DLG2: variants seen among roughly 807,000 people sequenced by gnomAD.
DLG2 encodes the protein disks large homolog 2.
In DLG2, 45 loss-of-function variants were observed where a neutral mutation model predicts 132.5. The observed-to-expected ratio is 0.34, with a 90% CI of 0.27 to 0.44. The LOEUF (loss-of-function observed/expected upper bound fraction) is 0.44. Ranked by LOEUF, DLG2 falls within the 20% of genes least tolerant of loss-of-function variation. The pLI, the probability that DLG2 is intolerant of heterozygous loss-of-function variation, is 1.00. For missense variants in DLG2, 1,045 were observed against 1,196.9 expected (o/e 0.87, Z 1.87); for synonymous variants, 424 against 419.6 (o/e 1.01, Z -0.13).
Position 84,577,135 on chromosome 11 carries a change from C to A in DLG2, c.358-42404G>T, listed in dbSNP as rs536080137. Among the ~76,000 whole-genome samples the A allele has an allele frequency of 2.0e-5, 3 of 152,274 alleles. No individual in the cohort carries two copies. In the South Asian group the frequency reaches 6.2e-4, roughly 32 times the overall value. On this transcript the variant is annotated intron_variant, in intron 6 of 27. Transcript: ENST00000376104. ...CATGTAAGAAATGCCTTTTGCCTCC[C>A]GCCATGATTCTGAGGACTTCCCAGC...
intron 11 of DLG2, among the ~76,000 whole-genome samples, chr11:84,041,209 T>C (rs978198000): frequency 6.6e-6 from 1 of 152,014 alleles, no homozygotes; most frequent in African/African-American, 2.4e-5. Flanking sequence ...TCTTTTGTCA[T>C]TTAGATTTTT....
chr11:85,269,622 G>A (rs1392251801), intron 4 of DLG2, among the ~76,000 whole-genome samples: 1 of 152,170 alleles, frequency 6.6e-6, no homozygotes, highest in East Asian at 1.9e-4. Context: ...TTGGCATACT[G>A]TTAATATACT....
intron 4 of DLG2, among the ~76,000 whole-genome samples, chr11:85,249,250 T>C (rs2076281788): frequency 6.6e-6 from 1 of 152,010 alleles, no homozygotes; most frequent in Admixed American, 6.6e-5. Context: ...GATTGGAAAC[T>C]AATGATATTT....
intron 18 of DLG2, among the ~76,000 whole-genome samples, chr11:83,718,314 A>G (rs2087287329): frequency 6.6e-6 from 1 of 152,062 alleles, no homozygotes; most frequent in African/African-American, 2.4e-5. Context: ...AGGCAGCCGG[A>G]TCACCTGAGG....
chr11:84,101,631 T>C (rs975563236), intron 9 of DLG2, among the ~76,000 whole-genome samples: 1 of 152,106 alleles, frequency 6.6e-6, no homozygotes, highest in East Asian at 1.9e-4. Context: ...AGATAGTGTT[T>C]AGGGGACTTA....
chr11:83,942,146 C>T (rs764633610), intron 14 of DLG2, among the ~76,000 whole-genome samples: 14 of 152,020 alleles, frequency 9.2e-5, no homozygotes, highest in East Asian at 1.9e-4. Context: ...ATAGTTTTAA[C>T]GTAGGCATTA....
At chr11:84,723,258 C>G (rs571460445) in intron 6 of DLG2, among the ~76,000 whole-genome samples, 8 of 152,292 alleles carry the variant, frequency 5.3e-5, no homozygotes, top group Admixed American at 2.0e-4. Context: ...CAAGCTAAAG[C>G]TGACCTCCTA....
intron 7 of DLG2, among the ~76,000 whole-genome samples, chr11:84,444,889 G>A (rs1194530737): frequency 5.3e-5 from 8 of 149,614 alleles, no homozygotes; most frequent in Non-Finnish European, 1.0e-4. Context: ...TGCAACCTCC[G>A]CTTCCCAGGT....
chr11:85,506,825 C>T lies in DLG2; in HGVS notation c.40+91832G>A, dbSNP rs941991386. The stretch of plus-strand genomic sequence containing the variant: ...TAATGTTGACAGTGGGGTGTTAAAG[C>T]CTCCAACTATTACTGTGTGGGAGTC... On this transcript the variant is annotated intron_variant, in intron 3 of 27. Coordinates refer to ENST00000376104, the MANE Select transcript of DLG2 (RefSeq NM_001142699.3). 1.2e-4 allele frequency among the ~76,000 whole-genome samples: 19 copies of T among 152,028 alleles called. 1 individual carries two copies. Among genetic ancestry groups the T allele is most frequent in the Non-Finnish European group, 2.5e-4 (17 of 67,990 alleles).
intron 6 of DLG2, among the ~76,000 whole-genome samples, chr11:84,696,616 G>T (rs936916214): frequency 6.6e-6 from 1 of 151,430 alleles, no homozygotes; most frequent in African/African-American, 2.4e-5. Context: ...TGAACACAAA[G>T]TCAAGGAAGC....
chr11:85,155,020 T>C (rs564290403), intron 4 of DLG2, among the ~76,000 whole-genome samples: 8 of 152,346 alleles, frequency 5.3e-5, no homozygotes, highest in Admixed American at 4.6e-4. Flanking sequence ...GAAATCTCTA[T>C]GGAAGCTATT....
chr11:84,804,051 T>C (rs2075726789), intron 6 of DLG2, among the ~76,000 whole-genome samples: 1 of 152,228 alleles, frequency 6.6e-6, no homozygotes, highest in African/African-American at 2.4e-5. Context: ...GCAATTATTA[T>C]TGTTGTTTGC....
chr11:85,215,544 A>C (rs905127570), intron 4 of DLG2, among the ~76,000 whole-genome samples: 1 of 152,194 alleles, frequency 6.6e-6, no homozygotes, highest in Non-Finnish European at 1.5e-5. Context: ...TCTACAAGGA[A>C]GGGCAAGATG....
chr11:83,963,133 A>T (rs1270210309), intron 13 of DLG2, 110 bp from the exon 14 acceptor site: 9 of 1,255,104 alleles, frequency 7.2e-6, no homozygotes, highest in Non-Finnish European at 1.0e-5. Flanking sequence ...GCTGCATGCC[A>T]AGGTTTTTCT....
intron 2 of DLG2, among the ~76,000 whole-genome samples, chr11:85,613,402 T>C (rs966437596): frequency 6.6e-6 from 1 of 152,120 alleles, no homozygotes; most frequent in Non-Finnish European, 1.5e-5. Flanking sequence ...CAGCAGAAAG[T>C]AGCTAGAGCA....
At chr11:85,371,577 A>T (rs2084977812) in intron 3 of DLG2, among the ~76,000 whole-genome samples, 1 of 152,198 alleles carries the variant, frequency 6.6e-6, no homozygotes, top group African/African-American at 2.4e-5. Context: ...CTTCCGTTTG[A>T]GGAGTGAAGC....
chr11:84,364,154 C>T (rs1215286776), intron 7 of DLG2, among the ~76,000 whole-genome samples: 1 of 151,870 alleles, frequency 6.6e-6, no homozygotes, highest in Non-Finnish European at 1.5e-5. Context: ...ATGGAATGTT[C>T]TTCCATTTGT....
At chr11:83,675,951 A>T (rs2077608889) in intron 18 of DLG2, among the ~76,000 whole-genome samples, 1 of 152,172 alleles carries the variant, frequency 6.6e-6, no homozygotes, top group South Asian at 2.1e-4. Flanking sequence ...TCTAGTAGAC[A>T]TTTGTACATT....
intron 7 of DLG2, among the ~76,000 whole-genome samples, chr11:84,399,874 G>A (rs776336944): frequency 1.1e-4 from 17 of 152,324 alleles, no homozygotes; most frequent in South Asian, 6.2e-4. Flanking sequence ...TGTTCAGCAC[G>A]TCTGGCCCAC....
Sources: gnomAD v4.1 joint callset for allele counts (sites outside exome capture counted in the v4.1 genomes callset) on GRCh38, gnomAD v4.1.1 for gene constraint, MANE v1.5 for transcripts, NCBI Gene and HGNC (gene_info 2026-07-23, HGNC 2026-07-21) for gene names.